Variants in PCDHGA1 observed in about 807,000 individuals in gnomAD.
The protein encoded by PCDHGA1 is protocadherin gamma subfamily A, 1.
PCDHGA1 carries 32 observed loss-of-function variants against 58.0 expected under a neutral mutation model. The observed-to-expected ratio is 0.55, with a 90% CI of 0.42 to 0.74. PCDHGA1 has a LOEUF of 0.74. Ranked by LOEUF, PCDHGA1 falls within the 30% of genes least tolerant of loss-of-function variation. The pLI is 0.00. For synonymous variants in PCDHGA1, 498 were observed against 501.1 expected, an observed-to-expected ratio of 0.99 and a Z score of 0.08; for missense variants, 1,205 against 1,182.3, an observed-to-expected ratio of 1.02 and a Z score of -0.28.
chr5:141,484,002 A>T, intron 1 of PCDHGA1, among the ~76,000 whole-genome samples: 1 of 25,484 alleles, frequency 3.9e-5, no homozygotes, highest in African/African-American at 1.7e-4. Context: ...GGAGGTCTGG[A>T]TGAGGGTGGG....
chr5:141,330,951 G>C lies in PCDHGA1; in HGVS notation c.267G>C (p.Arg89Ser), dbSNP rs1174891971. 2 of 1,614,102 alleles carry C rather than the reference G, an allele frequency of 1.2e-6. No individual in the cohort carries two copies. Among genetic ancestry groups the C allele is most frequent in the African/African-American group, 1.3e-5 (1 of 74,938 alleles). ...PRSGSLITARRIDREELCAQS... is the reference protein window; with the variant it reads ...PRSGSLITARSIDREELCAQS... ...GTGGCAGCTTGATCACCGCGCGCAG[G>C]ATAGACCGGGAGGAGCTCTGCGCTC... is the stretch of plus-strand genomic sequence containing the variant. Residue 89 changes from arginine to serine, a missense_variant, in exon 1 of 4, where the codon AGG becomes AGC. Arg to Ser is a moderately radical substitution (Grantham distance 110, BLOSUM62 -1). Transcript: ENST00000517417.
rs567061101 is a variant in PCDHGA1 at position 141,432,791 on chromosome 5, C to T, written c.2422-62016C>T. The T allele has an allele frequency of 2.7e-5, 44 of 1,614,064 alleles. No homozygotes were observed. Among genetic ancestry groups the T allele is most frequent in the Admixed American group, 8.3e-5 (5 of 60,034 alleles). On this transcript the variant is annotated intron_variant, in intron 1 of 3. Coordinates refer to ENST00000517417, the MANE Select transcript of PCDHGA1 (RefSeq NM_018912.3). The surrounding 1 kb of genome is among the most constrained non-coding windows in gnomAD (Gnocchi z 6.0). ...CCAAGTCCTGGCGGACCTCGGCAGC[C>T]TCGAGTCTCCAGCTAACTCTGAAAC... is the stretch of plus-strand genomic sequence containing the variant.
At chr5:141,498,632 A>G (rs2099784830) in intron 2 of PCDHGA1, among the ~76,000 whole-genome samples, 1 of 152,118 alleles carries the variant, frequency 6.6e-6, no homozygotes, top group South Asian at 2.1e-4. Context: ...CACTGCCTAG[A>G]CAGAAGGAAG....
At chr5:141,497,771 C>T (rs2099779314) in intron 2 of PCDHGA1, among the ~76,000 whole-genome samples, 1 of 152,154 alleles carries the variant, frequency 6.6e-6, no homozygotes, top group Non-Finnish European at 1.5e-5. Context: ...ACTCCCCGAC[C>T]TCAACTGATC....
Position 141,511,313 on chromosome 5 carries a change from C to T in PCDHGA1, c.*140C>T. ...CCAAGGCCATGCTCCCCTTGGGAAA[C>T]AGAAACAAGTGCCCAGTCAGCACCT... On this transcript the variant is annotated 3_prime_UTR_variant, in exon 4 of 4. Transcript: ENST00000517417. 2 of 1,482,944 alleles carry T rather than the reference C, an allele frequency of 1.3e-6. No homozygotes were observed. The highest frequency in any genetic ancestry group is 2.3e-5 in the Admixed American group (1 of 43,596). 91.9% of individuals were successfully genotyped at this position (1,482,944 alleles called of 1,614,324 possible).
chr5:141,423,053 T>C lies in PCDHGA1; in HGVS notation c.2422-71754T>C, dbSNP rs200154593. 1.4e-4 allele frequency: 219 copies of C among 1,614,170 alleles called. 1 individual carries two copies. The African/African-American group carries it at 2.5e-3, about 18-fold the overall frequency. ...CAGAACGCCTGGCTGTCCTATCGCCTGCTTAAGGCCAGCGAGCCGGGACTC... is the reference window on the plus strand; with the variant it reads ...CAGAACGCCTGGCTGTCCTATCGCCCGCTTAAGGCCAGCGAGCCGGGACTC... On this transcript the variant is annotated intron_variant, in intron 1 of 3. Coordinates refer to ENST00000517417, the MANE Select transcript of PCDHGA1 (RefSeq NM_018912.3).
At chr5:141,444,178 TTTTTTTTTTTG>T in intron 1 of PCDHGA1, among the ~76,000 whole-genome samples, 1 of 134,050 alleles carries the variant, frequency 7.5e-6, no homozygotes, top group Admixed American at 7.5e-5. Flanking sequence ...TTTTTTTTTT[TTTTTTTTTTTG>T]AGATGGAGTT....
intron 1 of PCDHGA1, 70 bp downstream of exon 1, chr5:141,333,175 G>T (rs1477323938): frequency 2.3e-5 from 37 of 1,602,982 alleles, no homozygotes; most frequent in Non-Finnish European, 3.1e-5. Flanking sequence ...ACTAGCGTTC[G>T]CTCTTTGCTA....
chr5:141,376,549 T>C (rs757110514), intron 1 of PCDHGA1: 1 of 1,612,108 alleles, frequency 6.2e-7, no homozygotes, highest in East Asian at 2.2e-5. Context: ...AATCTGATCT[T>C]CCCGCAACCC....
chr5:141,507,796 G>GGGAA (rs2099863457), intron 3 of PCDHGA1, among the ~76,000 whole-genome samples: 1 of 152,220 alleles, frequency 6.6e-6, no homozygotes, highest in Admixed American at 6.5e-5. Flanking sequence ...GTCTAAGCCT[G>GGGAA]CGCCCTGGGG....
intron 1 of PCDHGA1, chr5:141,340,492 C>T (rs1756949883): frequency 1.9e-6 from 3 of 1,614,242 alleles, no homozygotes; most frequent in Non-Finnish European, 2.5e-6. Flanking sequence ...ACATCTCTAT[C>T]AACTCCGACA....
Position 141,354,128 on chromosome 5 carries a change from T to C in PCDHGA1, c.2421+21023T>C, listed in dbSNP as rs576789277. Among the ~76,000 whole-genome samples the C allele has an allele frequency of 6.2e-4, 95 of 152,250 alleles. 1 individual carries two copies. The highest frequency in any genetic ancestry group is 1.2e-3 in the Non-Finnish European group (85 of 68,032). ...TGAGAGCTAAAGTAAAGTTAGAAAT[T>C]GTAAAATAATACTGAATGTGTCATG... On this transcript the variant is annotated intron_variant, in intron 1 of 3. Coordinates refer to ENST00000517417, the MANE Select transcript of PCDHGA1 (RefSeq NM_018912.3).
chr5:141,409,599 C>T (rs753753955), intron 1 of PCDHGA1: 22 of 1,613,822 alleles, frequency 1.4e-5, no homozygotes, highest in Non-Finnish European at 1.8e-5. Flanking sequence ...GAGAACAACC[C>T]GCCAGGAGCC....
chr5:141,414,659 T>C lies in PCDHGA1; in HGVS notation c.2422-80148T>C, dbSNP rs566999623. On this transcript the variant is annotated intron_variant, in intron 1 of 3. Coordinates refer to ENST00000517417, the MANE Select transcript of PCDHGA1 (RefSeq NM_018912.3). ...GAGAATGCCCAGATTATTTACTCCC[T>C]GGCTGAAGACACCATCCAGGGGGTA... 21 of 1,614,010 alleles carry C rather than the reference T, an allele frequency of 1.3e-5. No homozygotes were observed. In the South Asian group the frequency reaches 2.2e-4, roughly 17 times the overall value.
chr5:141,347,137 C>CTCTTTCTTTCTCTCTTTCTTTCTTTCTT (rs1757891131), intron 1 of PCDHGA1, among the ~76,000 whole-genome samples: 1 of 113,744 alleles, frequency 8.8e-6, no homozygotes, highest in African/African-American at 3.8e-5. Context: ...CTCTGTTTCT[C>CTCTTTCTTTCTCTCTTTCTTTCTTTCTT]TCTTTCTTTC....
chr5:141,444,265 A>G (rs1355824197), intron 1 of PCDHGA1, among the ~76,000 whole-genome samples: 3 of 133,712 alleles, frequency 2.2e-5, no homozygotes, highest in Non-Finnish European at 3.1e-5. Flanking sequence ...TCCGCCTCCC[A>G]GGTTCAAGTG....
Position 141,431,612 on chromosome 5 carries a change from G to T in PCDHGA1, c.2422-63195G>T, listed in dbSNP as rs79883194. 6.2e-7 allele frequency: 1 copy of T among 1,614,244 alleles called. No homozygotes were observed. The highest frequency in any genetic ancestry group is 2.2e-5 in the East Asian group (1 of 44,880). Reference sequence around the variant, plus strand: ...AGTGAGGTATTCCTTCCGGTATGTGGACGACAAGGCGGCCCAAGTTTTCAA... The same window carrying T: ...AGTGAGGTATTCCTTCCGGTATGTGTACGACAAGGCGGCCCAAGTTTTCAA... On this transcript the variant is annotated intron_variant, in intron 1 of 3. Transcript: ENST00000517417. The surrounding 1 kb of genome is among the most constrained non-coding windows in gnomAD (Gnocchi z 4.8).
chr5:141,506,207 TTGGGAAGCTGAG>T (rs1487107822), intron 3 of PCDHGA1, among the ~76,000 whole-genome samples: 1 of 152,020 alleles, frequency 6.6e-6, no homozygotes, highest in Non-Finnish European at 1.5e-5. Flanking sequence ...TCCCAGCACT[TTGGGAAGCTGAG>T]GCAGGAGGAT....
At chr5:141,344,483 C>A (rs1757425274) in intron 1 of PCDHGA1, 1 of 1,613,722 alleles carries the variant, frequency 6.2e-7, no homozygotes, top group Non-Finnish European at 8.5e-7. Flanking sequence ...TTCCTGGAAC[C>A]CGATTTCCAA....
Sources: gnomAD v4.1 joint callset for allele counts (sites outside exome capture counted in the v4.1 genomes callset) on GRCh38, gnomAD v4.1.1 for gene constraint, Gnocchi (gnomAD v3.1) non-coding constraint, MANE v1.5 for transcripts, NCBI Gene and HGNC (gene_info 2026-07-23, HGNC 2026-07-21) for gene names.